The following MACROD2 variants were observed in gnomAD, a reference collection of about 807,000 sequenced individuals.
MACROD2 encodes mono-ADP ribosylhydrolase 2, also known as ADP-ribose glycohydrolase MACROD2.
A neutral mutation model predicts 70.4 loss-of-function variants in MACROD2; 36 were observed. That is an observed-to-expected ratio of 0.51 (90% CI 0.39 to 0.68). MACROD2 has a LOEUF of 0.68. Among genes scored for constraint, MACROD2 ranks in the 30% least tolerant of loss-of-function variants. The pLI is 0.00. For missense variants in MACROD2, 496 were observed against 538.4 expected (o/e 0.92, Z 0.78); for synonymous variants, 172 against 178.8 (o/e 0.96, Z 0.30).
At chr20:15,397,958 CTA>C (rs1259408262) in intron 6 of MACROD2, among the ~76,000 whole-genome samples, 6 of 152,158 alleles carry the variant, frequency 3.9e-5, no homozygotes, top group Non-Finnish European at 7.3e-5. Context: ...CAGAGAAAAA[CTA>C]TAGCTTCTTG....
intron 4 of MACROD2, among the ~76,000 whole-genome samples, chr20:14,521,022 T>C (rs1255943152): frequency 6.6e-6 from 1 of 151,924 alleles, no homozygotes; most frequent in East Asian, 1.9e-4. Flanking sequence ...TTACAGAAAA[T>C]TCCTGGGGAG....
At chr20:14,361,355 A>G (rs2083220215) in intron 3 of MACROD2, among the ~76,000 whole-genome samples, 2 of 152,190 alleles carry the variant, frequency 1.3e-5, no homozygotes, top group Non-Finnish European at 2.9e-5. Context: ...GGAAACTGAC[A>G]TTGTGACTCC....
At chr20:15,607,556 C>T (rs773110208) in intron 8 of MACROD2, among the ~76,000 whole-genome samples, 34 of 152,122 alleles carry the variant, frequency 2.2e-4, no homozygotes, top group Non-Finnish European at 2.2e-4. Context: ...TTTTTTGAGA[C>T]GAAGTCTCCT....
At chr20:14,870,343 T>A (rs1248762857) in intron 5 of MACROD2, among the ~76,000 whole-genome samples, 1 of 152,180 alleles carries the variant, frequency 6.6e-6, no homozygotes, top group African/African-American at 2.4e-5. Flanking sequence ...CAGTCTATCA[T>A]TGATGGGTAT....
intron 8 of MACROD2, among the ~76,000 whole-genome samples, chr20:15,789,983 A>G (rs2063609773): frequency 6.6e-6 from 1 of 151,996 alleles, no homozygotes; most frequent in Non-Finnish European, 1.5e-5. Context: ...TTCCAGACTC[A>G]AATGGTTTTC....
chr20:15,981,433 C>A (rs1048237127), intron 13 of MACROD2, among the ~76,000 whole-genome samples: 1 of 152,062 alleles, frequency 6.6e-6, no homozygotes, highest in South Asian at 2.1e-4. Context: ...ATAATTGAGA[C>A]TTTTAGAACT....
rs1322619307 is a variant in MACROD2, at chr20:15,325,911, G to T, written c.540+95850G>T. 2.6e-5 allele frequency among the ~76,000 whole-genome samples: 4 copies of T among 152,018 alleles called. No individual in the cohort carries two copies. In the South Asian group the frequency reaches 8.3e-4, roughly 32 times the overall value. ...TCTTCCCCGTTTCCTCTTAGTAATC[G>T]TAGTTAGGTTCTTGATGTCCCCTGT... On this transcript the variant is annotated intron_variant, in intron 6 of 17. Coordinates refer to ENST00000684519, the MANE Select transcript of MACROD2 (RefSeq NM_001351661.2).
intron 10 of MACROD2, among the ~76,000 whole-genome samples, chr20:15,903,745 C>T (rs1163040243): frequency 2.0e-5 from 3 of 152,188 alleles, no homozygotes; most frequent in Non-Finnish European, 2.9e-5. Flanking sequence ...AGAGATAGGA[C>T]GTGCTCTAAC....
At chr20:14,903,201 C>T (rs545472808) in intron 5 of MACROD2, among the ~76,000 whole-genome samples, 7 of 151,998 alleles carry the variant, frequency 4.6e-5, no homozygotes, top group East Asian at 1.9e-4. Flanking sequence ...GCCACCATGC[C>T]CAGCTAAATT....
intron 2 of MACROD2, among the ~76,000 whole-genome samples, chr20:14,022,776 A>T (rs1237945403): frequency 7.2e-5 from 11 of 152,172 alleles, no homozygotes; most frequent in African/African-American, 2.4e-4. Context: ...AGATGAACTC[A>T]TTCTTTTTTA....
At chr20:15,694,893 T>C (rs559948067) in intron 8 of MACROD2, among the ~76,000 whole-genome samples, 1 of 152,370 alleles carries the variant, frequency 6.6e-6, no homozygotes, top group African/African-American at 2.4e-5. Flanking sequence ...TTGATTTTTG[T>C]ATAAGGTGAG....
At chr20:15,612,136 A>G (rs1296554151) in intron 8 of MACROD2, among the ~76,000 whole-genome samples, 1 of 152,042 alleles carries the variant, frequency 6.6e-6, no homozygotes, top group Admixed American at 6.6e-5. Flanking sequence ...CTTAGTAAAT[A>G]AAACCCGTGG....
intron 3 of MACROD2, among the ~76,000 whole-genome samples, chr20:14,278,968 C>T (rs2122395529): frequency 6.6e-6 from 1 of 152,162 alleles, no homozygotes; most frequent in South Asian, 2.1e-4. Flanking sequence ...GAGTTTTTGT[C>T]ATATAAAGTT....
At chr20:15,599,829 T>C (rs1234733619) in intron 8 of MACROD2, among the ~76,000 whole-genome samples, 1 of 152,180 alleles carries the variant, frequency 6.6e-6, no homozygotes, top group African/African-American at 2.4e-5. Context: ...GCCATGGCTA[T>C]TAGAACCACC....
intron 5 of MACROD2, among the ~76,000 whole-genome samples, chr20:15,069,755 C>T (rs2075604807): frequency 6.6e-6 from 1 of 152,244 alleles, no homozygotes; most frequent in Non-Finnish European, 1.5e-5. Flanking sequence ...GTAGCTTCCA[C>T]CTACATTTCA....
chr20:14,786,697 T>C (rs1268344584), intron 5 of MACROD2, among the ~76,000 whole-genome samples: 2 of 152,052 alleles, frequency 1.3e-5, no homozygotes, highest in Non-Finnish European at 2.9e-5. Context: ...TGTGCACCAG[T>C]ATCCATAGCC....
chr20:14,380,611 C>A (rs574689024), intron 3 of MACROD2, among the ~76,000 whole-genome samples: 49 of 152,152 alleles, frequency 3.2e-4, no homozygotes, highest in East Asian at 5.8e-4. Context: ...CAACTTAATT[C>A]TTTTACTTGT....
At chr20:14,845,209 T>A (rs750699537) in intron 5 of MACROD2, among the ~76,000 whole-genome samples, 2 of 152,108 alleles carry the variant, frequency 1.3e-5, no homozygotes, top group African/African-American at 2.4e-5. Flanking sequence ...AACCTGCTAG[T>A]TTGTAAGTTC....
chr20:14,628,345 A>G (rs1253217331), intron 4 of MACROD2, among the ~76,000 whole-genome samples: 2 of 152,200 alleles, frequency 1.3e-5, no homozygotes, highest in Non-Finnish European at 2.9e-5. Context: ...CCTTGCATCA[A>G]TCTAGCTGAG....
Sources: allele counts gnomAD v4.1 joint callset (sites outside exome capture counted in the v4.1 genomes callset), GRCh38; gene constraint gnomAD v4.1.1; transcripts MANE v1.5; gene names NCBI Gene and HGNC (gene_info 2026-07-23, HGNC 2026-07-21).